MED12L: variants seen among roughly 807,000 people sequenced by gnomAD.
MED12L encodes the protein mediator complex subunit 12L.
MED12L carries 60 observed loss-of-function variants against 281.3 expected under a neutral mutation model. The observed-to-expected ratio is 0.21, with a 90% CI of 0.17 to 0.26. MED12L has a LOEUF of 0.26. Ranked by LOEUF, MED12L falls within the 10% of genes least tolerant of loss-of-function variation. The pLI, the probability that MED12L is intolerant of heterozygous loss-of-function variation, is 1.00. For missense variants in MED12L, 2,146 were observed against 2,680.9 expected, an observed-to-expected ratio of 0.80 and a Z score of 4.41; for synonymous variants, 974 against 987.2, an observed-to-expected ratio of 0.99 and a Z score of 0.25.
At chr3:151,138,074 C>A (rs1201787356) in intron 5 of MED12L, among the ~76,000 whole-genome samples, 3 of 152,078 alleles carry the variant, frequency 2.0e-5, no homozygotes, top group Admixed American at 6.6e-5. Context: ...TTTAATCTTC[C>A]AGTTTTTATT....
intron 23 of MED12L, 110 bp from the exon 24 acceptor site, chr3:151,367,536 T>C (rs1755434916): frequency 2.2e-6 from 2 of 911,348 alleles, no homozygotes; most frequent in African/African-American, 1.7e-5. Flanking sequence ...TGCTGGTTCA[T>C]GTTGGGATTT....
intron 11 of MED12L, among the ~76,000 whole-genome samples, chr3:151,171,518 CAG>C (rs1448247716): frequency 2.6e-5 from 4 of 152,226 alleles, no homozygotes; most frequent in Non-Finnish European, 5.9e-5. Flanking sequence ...CTGCACTGGA[CAG>C]AGTGTTCCTG....
At chr3:151,360,446 T>G in intron 20 of MED12L, 28 bp from the exon 21 acceptor site, 3 of 1,604,940 alleles carry the variant, frequency 1.9e-6, no homozygotes, top group Non-Finnish European at 2.6e-6. Flanking sequence ...AATCTATGTC[T>G]TATTTCTTCG....
chr3:151,369,683 T>C (rs1202117896), intron 26 of MED12L, 134 bp downstream of exon 26: 2 of 570,992 alleles, frequency 3.5e-6, no homozygotes, highest in East Asian at 5.9e-5. Context: ...CTGGAAAAAT[T>C]AGTGGTTTCT....
intron 3 of MED12L, among the ~76,000 whole-genome samples, chr3:151,120,579 G>T (rs1376740391): frequency 2.6e-5 from 4 of 152,096 alleles, no homozygotes; most frequent in South Asian, 2.1e-4. Flanking sequence ...ATAAGGAAGG[G>T]TCTCATTTAC....
At chr3:151,308,250 C>T (rs1291129933) in intron 16 of MED12L, among the ~76,000 whole-genome samples, 2 of 152,038 alleles carry the variant, frequency 1.3e-5, no homozygotes, top group African/African-American at 4.8e-5. Context: ...ATTCCTACTA[C>T]TCACATTACT....
At chr3:151,198,900 C>T (rs1277621550) in intron 16 of MED12L, 1 of 1,613,970 alleles carries the variant, frequency 6.2e-7, no homozygotes, top group African/African-American at 1.3e-5. Context: ...ATACAACCCA[C>T]ATTTGACTTT....
At chr3:151,362,715 GA>G (rs199597803) in intron 21 of MED12L, among the ~76,000 whole-genome samples, 5 of 150,616 alleles carry the variant, frequency 3.3e-5, no homozygotes, top group Non-Finnish European at 7.4e-5. Flanking sequence ...AGTAGGCACT[GA>G]AAAAAAAATC....
At chr3:151,176,800 T>C (rs1722103716) in intron 11 of MED12L, among the ~76,000 whole-genome samples, 1 of 152,226 alleles carries the variant, frequency 6.6e-6, no homozygotes, top group African/African-American at 2.4e-5. Flanking sequence ...GGAATGCTTC[T>C]AGTGTGTCAC....
Position 151,355,128 on chromosome 3 carries a change from C to G in MED12L, c.2406C>G (p.Asp802Glu), listed in dbSNP as rs199750872. 12 of 1,612,426 alleles carry G rather than the reference C, an allele frequency of 7.4e-6. No individual in the cohort carries two copies. The East Asian group carries it at 2.7e-4, about 36-fold the overall frequency. ...KKSTTETGVGDEGQKARKNKQ... is the reference protein window; with the variant it reads ...KKSTTETGVGEEGQKARKNKQ... ...TGCTTTATGTTTATGTAGTTGGGGA[C>G]GAAGGACAAAAAGCCAGGAAGAACA... Residue 802 changes from aspartate to glutamate, a missense_variant, in exon 18 of 45, where the codon GAC (aspartate) becomes GAG (glutamate). Physicochemically the swap from Asp to Glu is conservative, Grantham distance 45. Transcript: ENST00000687756.
rs577872118 is a variant in MED12L at position 151,421,371 on chromosome 3, A to G, written c.6408+4949A>G. Among the ~76,000 whole-genome samples, 110 of 151,350 alleles carry G rather than the reference A, an allele frequency of 7.3e-4. 1 individual carries two copies. The highest frequency in any genetic ancestry group is 8.5e-4 in the Non-Finnish European group (58 of 67,880). On this transcript the variant is annotated intron_variant, in intron 43 of 44. Transcript: ENST00000687756. The stretch of plus-strand genomic sequence containing the variant: ...AAATTTCTTTGTCACTAGTTTTCCA[A>G]TCATGCTTCTTCCTGTGCTTTACTG...
At chr3:151,255,892 A>G (rs1010000205) in intron 16 of MED12L, among the ~76,000 whole-genome samples, 3 of 152,182 alleles carry the variant, frequency 2.0e-5, no homozygotes. Flanking sequence ...CATCTGCAAA[A>G]AGAGTCTAGT....
intron 43 of MED12L, 134 bp from the exon 44 acceptor site, chr3:151,430,165 C>T (rs1719315745): frequency 9.3e-6 from 12 of 1,289,136 alleles, no homozygotes; most frequent in East Asian, 2.5e-5. Flanking sequence ...TTAATCCACA[C>T]ACAGTTGTCA....
chr3:151,423,020 T>A (rs892929370), intron 43 of MED12L, among the ~76,000 whole-genome samples: 26 of 146,344 alleles, frequency 1.8e-4, no homozygotes, highest in African/African-American at 6.2e-4. Context: ...CATAAAAATA[T>A]ATATATATAT....
At chr3:151,426,607 G>A (rs1718898942) in intron 43 of MED12L, among the ~76,000 whole-genome samples, 1 of 152,096 alleles carries the variant, frequency 6.6e-6, no homozygotes, top group African/African-American at 2.4e-5. Flanking sequence ...CAAATTTCTT[G>A]GCCTCAGAAT....
chr3:151,182,467 A>G (rs1722819034), intron 11 of MED12L, among the ~76,000 whole-genome samples: 1 of 152,220 alleles, frequency 6.6e-6, no homozygotes, highest in African/African-American at 2.4e-5. Flanking sequence ...AAGCAAATGA[A>G]ATAGCATGAC....
At chr3:151,156,455 C>T (rs1719298682) in intron 6 of MED12L, 125 bp downstream of exon 6, 1 of 880,512 alleles carries the variant, frequency 1.1e-6, no homozygotes, top group East Asian at 2.8e-5. Flanking sequence ...AGAAAGCAGT[C>T]TGACATTTCT....
chr3:151,275,656 A>G (rs1015986930), intron 16 of MED12L, among the ~76,000 whole-genome samples: 1 of 152,192 alleles, frequency 6.6e-6, no homozygotes, highest in African/African-American at 2.4e-5. Flanking sequence ...TAATTACTAG[A>G]TTTATCCTTT....
At chr3:151,193,400 G>C in intron 15 of MED12L, 90 bp from the exon 16 acceptor site, 1 of 943,974 alleles carries the variant, frequency 1.1e-6, no homozygotes, top group Non-Finnish European at 1.6e-6. Flanking sequence ...GTGTATAAGT[G>C]TCTTATGTGT....
Sources: allele counts gnomAD v4.1 joint callset (sites outside exome capture counted in the v4.1 genomes callset), GRCh38; gene constraint gnomAD v4.1.1; transcripts MANE v1.5; gene names NCBI Gene and HGNC (gene_info 2026-07-23, HGNC 2026-07-21).